ERCC1: variants seen among roughly 807,000 people sequenced by gnomAD.
The protein encoded by ERCC1 is DNA excision repair protein ERCC-1.
A neutral mutation model predicts 37.6 loss-of-function variants in ERCC1; 36 were observed. The observed-to-expected ratio is 0.96, with a 90% CI of 0.73 to 1.26. ERCC1 has a LOEUF of 1.26. ERCC1 is among the 50% of genes most tolerant of loss of function. The pLI, the probability that ERCC1 is intolerant of heterozygous loss-of-function variation, is 0.00. For missense variants in ERCC1, 349 were observed against 376.5 expected (o/e 0.93, Z 0.60); for synonymous variants, 156 against 162.1 (o/e 0.96, Z 0.28).
At chr19:45,430,317 C>G (rs930796602) in intron 1 of ERCC1, among the ~76,000 whole-genome samples, 1 of 152,202 alleles carries the variant, frequency 6.6e-6, no homozygotes. Flanking sequence ...TGATTCTGAG[C>G]CTTATCTCCT....
At position 45,413,746 on chromosome 19, in the gene ERCC1, C is replaced by T. The variant is rs760543798; in HGVS notation, c.775-1G>A. The T allele has an allele frequency of 3.7e-6, 6 of 1,613,272 alleles. No homozygotes were observed. In the South Asian group the frequency reaches 6.6e-5, roughly 18 times the overall value. ...ATGCGGCGATGAGCTGTTCCAGAGA[C>T]TGAAAGGTGAAAGCGAGGGGTCAGG... On this transcript the variant is annotated splice_acceptor_variant, in intron 8 of 9. Transcript: ENST00000300853. LOFTEE classifies it high-confidence loss of function.
rs1219133420 is a variant in ERCC1, at chr19:45,421,181, C to A, written c.318G>T (p.Arg106=). The A allele has an allele frequency of 1.9e-6, 3 of 1,613,940 alleles. No individual in the cohort carries two copies. Among genetic ancestry groups the A allele is most frequent in the South Asian group, 1.1e-5 (1 of 91,078 alleles). ...AKSNSIIVSP[R]QRGNPVLKFV... ...ACTTCTCCGTCTCCCTCCTCACCTG[C>A]CGAGGGCTCACAATGATGCTGTTGG... Residue 106 remains arginine, a synonymous_variant, in exon 3 of 10, where the codon CGG becomes CGT. Transcript: ENST00000300853.
In ERCC1 at chr19:45,408,499, G is replaced by C; in HGVS notation, c.*1176C>G. 1 of 1,614,038 alleles carries C rather than the reference G, an allele frequency of 6.2e-7. No individual in the cohort carries two copies. Among genetic ancestry groups the C allele is most frequent in the Non-Finnish European group, 8.5e-7 (1 of 1,179,986 alleles). On this transcript the variant is annotated 3_prime_UTR_variant, in exon 10 of 10. Transcript: ENST00000300853. ...TGCTCACCTCAGGGAAGAAGAAAAA[G>C]GAGATGCAGGTGACAGAGGCCCCAG...
At position 45,420,512 on chromosome 19, in the gene ERCC1, C is replaced by T; in HGVS notation, c.322-85G>A. 1.2e-6 allele frequency: 1 copy of T among 813,078 alleles called. No individual in the cohort carries two copies. The highest frequency in any genetic ancestry group is 2.2e-4 in the Middle Eastern group (1 of 4,578). 50.4% of individuals were successfully genotyped at this position (813,078 alleles called of 1,614,324 possible). ...CCTCCTCCACCTCTTCTTGCACCTC[C>T]TCCCTCCTCCCACCTCTTCCCACAC... On this transcript the variant is annotated intron_variant, in intron 3 of 9. Coordinates refer to ENST00000300853, the MANE Select transcript of ERCC1 (RefSeq NM_001983.4). The surrounding 1 kb of genome is among the most constrained non-coding windows in gnomAD (Gnocchi z 4.8).
chr19:45,446,180 G>A (rs549254744), intron 1 of ERCC1, among the ~76,000 whole-genome samples: 1 of 152,014 alleles, frequency 6.6e-6, no homozygotes, highest in African/African-American at 2.4e-5. Flanking sequence ...GATTACAGGC[G>A]TGAGCCACCG....
At chr19:45,438,259 C>A (rs578009785) in intron 1 of ERCC1, among the ~76,000 whole-genome samples, 2 of 152,116 alleles carry the variant, frequency 1.3e-5, no homozygotes, top group South Asian at 4.2e-4. Flanking sequence ...GTAGAGATGG[C>A]ATCTCACTAC....
rs756199096 is a variant in ERCC1, at chr19:45,408,622, T to G, written c.*1053A>C. The stretch of plus-strand genomic sequence containing the variant: ...TGCGGAAGAAGAAGAAGAAAAAAAA[T>G]CAGCAGCTGAAAGAACCAGAGGCAG... On this transcript the variant is annotated 3_prime_UTR_variant, in exon 10 of 10. Coordinates refer to ENST00000300853, the MANE Select transcript of ERCC1 (RefSeq NM_001983.4). 1 of 1,610,722 alleles carries G rather than the reference T, an allele frequency of 6.2e-7. No individual in the cohort carries two copies. The highest frequency in any genetic ancestry group is 8.5e-7 in the Non-Finnish European group (1 of 1,179,324).
chr19:45,423,080 C>T (rs1974536738), intron 2 of ERCC1, among the ~76,000 whole-genome samples, 190 bp downstream of exon 2: 1 of 152,178 alleles, frequency 6.6e-6, no homozygotes. Flanking sequence ...TGCCTTAGCC[C>T]TCTCTTAGAA....
rs895780550 is a variant in ERCC1, at chr19:45,420,552, C to T, written c.322-125G>A. ...TCTTCCCACACCTCCTGCCTCCTCG[C>T]ACCTCTTCCCACACCTCCTCCCTCC... On this transcript the variant is annotated intron_variant, in intron 3 of 9. Transcript: ENST00000300853. This position sits in a 1 kb window ranked among gnomAD's most constrained non-coding sequence, Gnocchi z 4.8. 5 of 704,138 alleles carry T rather than the reference C, an allele frequency of 7.1e-6. No homozygotes were observed. The highest frequency in any genetic ancestry group is 2.7e-5 in the East Asian group (1 of 37,006). 43.6% of individuals were successfully genotyped at this position (704,138 alleles called of 1,614,324 possible).
At chr19:45,437,778 G>C (rs1208289171) in intron 1 of ERCC1, among the ~76,000 whole-genome samples, 2 of 152,232 alleles carry the variant, frequency 1.3e-5, no homozygotes, top group African/African-American at 2.4e-5. Context: ...ATATTTCAGT[G>C]ATCTATTGCA....
chr19:45,423,749 C>T (rs1305072729), intron 1 of ERCC1, 32 bp downstream of exon 1: 4 of 1,155,710 alleles, frequency 3.5e-6, no homozygotes, highest in East Asian at 8.4e-5. Flanking sequence ...TCCGCGGCGC[C>T]AATCTCCACC....
At chr19:45,422,545 G>A (rs995146553) in intron 2 of ERCC1, among the ~76,000 whole-genome samples, 2 of 152,082 alleles carry the variant, frequency 1.3e-5, no homozygotes, top group African/African-American at 4.8e-5. Context: ...GGCCGAGGTG[G>A]GCGGATCACT....
At chr19:45,414,476 CAA>C (rs200487437) in intron 7 of ERCC1, 3,353 of 242,050 alleles carry the variant, frequency 0.014, no homozygotes, top group Middle Eastern at 0.024. Flanking sequence ...GACTCCATCT[CAA>C]AAAAAAAAAA....
Position 45,423,864 on chromosome 19 carries a change from C to T in ERCC1, c.-91G>A. 1 of 1,108,204 alleles carries T rather than the reference C, an allele frequency of 9.0e-7. No homozygotes were observed. Among genetic ancestry groups the T allele is most frequent in the East Asian group, 4.5e-5 (1 of 22,462 alleles). 68.6% of individuals were successfully genotyped at this position (1,108,204 alleles called of 1,614,324 possible). Reference sequence around the variant, plus strand: ...CTCAAGGGAAAGACTGCAGAGGGATCGAGGCGGCCCACTGCCAGCACGGCC... The same window carrying T: ...CTCAAGGGAAAGACTGCAGAGGGATTGAGGCGGCCCACTGCCAGCACGGCC... On this transcript the variant is annotated 5_prime_UTR_variant, in exon 1 of 10. Coordinates refer to ENST00000300853, the MANE Select transcript of ERCC1 (RefSeq NM_001983.4).
rs8102436 is a variant in ERCC1 at position 45,447,796 on chromosome 19, C to T, written c.-7-24415G>A. Among the ~76,000 whole-genome samples, 529 of 152,094 alleles carry T rather than the reference C, an allele frequency of 3.5e-3. 3 individuals are homozygous for T. Among genetic ancestry groups the T allele is most frequent in the African/African-American group, 0.012 (487 of 41,478 alleles). ...TGGACAGGTGTGTCCAGCCCCAGGT[C>T]GGCAATTCTGGCTGGTTGCTCAGAA... On this transcript the variant is annotated intron_variant, in intron 1 of 8. Transcript: ENST00000423698.
chr19:45,413,104 G>C (rs1599811514), intron 9 of ERCC1, among the ~76,000 whole-genome samples: 1 of 152,218 alleles, frequency 6.6e-6, no homozygotes, highest in South Asian at 2.1e-4. Context: ...TATGCTTATA[G>C]GGCATTACTC....
chr19:45,414,043 G>T lies in ERCC1; in HGVS notation c.703-9C>A. ...GTCAGACATTCAGTCACCTGGAAAGGGTGGAGGCAGGAGTGTGTCGGAAGA... is the reference window on the plus strand; with the variant it reads ...GTCAGACATTCAGTCACCTGGAAAGTGTGGAGGCAGGAGTGTGTCGGAAGA... On this transcript the variant is annotated splice_polypyrimidine_tract_variant and intron_variant, in intron 7 of 9. Coordinates refer to ENST00000300853, the MANE Select transcript of ERCC1 (RefSeq NM_001983.4). The T allele has an allele frequency of 6.2e-7, 1 of 1,611,134 alleles. No individual in the cohort carries two copies.
At chr19:45,434,836 T>C (rs1974933396) in intron 1 of ERCC1, among the ~76,000 whole-genome samples, 1 of 152,062 alleles carries the variant, frequency 6.6e-6, no homozygotes, top group African/African-American at 2.4e-5. Context: ...AGTGCAATAG[T>C]GCGATCTTGG....
intron 9 of ERCC1, 43 bp from the exon 10 acceptor site, chr19:45,409,768 G>T: frequency 1.3e-6 from 1 of 758,266 alleles, no homozygotes; most frequent in Non-Finnish European, 2.4e-6. Flanking sequence ...GTCATTAAAG[G>T]AGCTGTTTCC....
Sources: gnomAD v4.1 joint callset for allele counts (sites outside exome capture counted in the v4.1 genomes callset) on GRCh38, gnomAD v4.1.1 for gene constraint, Gnocchi (gnomAD v3.1) non-coding constraint, MANE v1.5 for transcripts, NCBI Gene and HGNC (gene_info 2026-07-23, HGNC 2026-07-21) for gene names.